SYNPO2: variants seen among roughly 807,000 people sequenced by gnomAD.
SYNPO2 encodes synaptopodin 2, also known as synaptopodin-2.
Under a neutral mutation model 85.0 loss-of-function variants are expected in SYNPO2, and 56 were observed. The ratio of observed to expected loss-of-function variants is 0.66; its 90% CI spans 0.53 to 0.82. The LOEUF is 0.82. Ranked by LOEUF, SYNPO2 falls within the 40% of genes least tolerant of loss-of-function variation. The pLI, the probability that SYNPO2 is intolerant of heterozygous loss-of-function variation, is 0.00. For missense variants in SYNPO2, 1,575 were observed against 1,534.2 expected (o/e 1.03, Z -0.44); for synonymous variants, 602 against 591.1 (o/e 1.02, Z -0.27).
At chr4:118,867,467 C>CTT (rs145121607) in intron 1 of SYNPO2, among the ~76,000 whole-genome samples, 4 of 138,466 alleles carry the variant, frequency 2.9e-5, no homozygotes, top group African/African-American at 5.3e-5. Context: ...TAGTTTCTTT[C>CTT]TTTTTTTTTT....
chr4:118,916,729 C>CTTTTTTTTT (rs199715189), intron 1 of SYNPO2, among the ~76,000 whole-genome samples: 4 of 117,036 alleles, frequency 3.4e-5, no homozygotes, highest in Admixed American at 1.0e-4. Context: ...ATTTTTCTTT[C>CTTTTTTTTT]TTTTTTTTTT....
At chr4:118,941,871 T>G (rs1435561836) in intron 1 of SYNPO2, among the ~76,000 whole-genome samples, 1 of 152,192 alleles carries the variant, frequency 6.6e-6, no homozygotes, top group Non-Finnish European at 1.5e-5. Context: ...CTTTACTGTG[T>G]TTTCCGTAGG....
chr4:118,994,156 C>G (rs926071981), intron 1 of SYNPO2, among the ~76,000 whole-genome samples: 1 of 152,262 alleles, frequency 6.6e-6, no homozygotes, highest in Admixed American at 6.5e-5. Context: ...CCTAAGACCA[C>G]TGTGCTCCGC....
intron 1 of SYNPO2, among the ~76,000 whole-genome samples, chr4:118,916,184 T>C (rs997510510): frequency 5.3e-5 from 8 of 151,800 alleles, no homozygotes; most frequent in African/African-American, 1.9e-4. Flanking sequence ...GGTTTTTTTT[T>C]TTTTCTGAGA....
chr4:118,942,250 T>C (rs1391513023), intron 1 of SYNPO2, among the ~76,000 whole-genome samples: 1 of 152,202 alleles, frequency 6.6e-6, no homozygotes, highest in Non-Finnish European at 1.5e-5. Context: ...TACCACCTAT[T>C]GTGGGAAGGT....
At chr4:119,011,599 T>C (rs1737304564) in intron 1 of SYNPO2, among the ~76,000 whole-genome samples, 1 of 152,148 alleles carries the variant, frequency 6.6e-6, no homozygotes, top group Admixed American at 6.5e-5. Flanking sequence ...TAAAAGAGAC[T>C]ATGAAAAAAG....
At chr4:118,881,315 A>AG (rs1553935035) in intron 1 of SYNPO2, among the ~76,000 whole-genome samples, 1 of 135,196 alleles carries the variant, frequency 7.4e-6, no homozygotes, top group Non-Finnish European at 1.6e-5. Flanking sequence ...AAAAAAAAAA[A>AG]AGAAGAAGAA....
intron 1 of SYNPO2, among the ~76,000 whole-genome samples, chr4:118,962,388 T>G (rs530661286): frequency 1.3e-5 from 2 of 152,168 alleles, no homozygotes; most frequent in Non-Finnish European, 2.9e-5. Context: ...GCTAAAAATG[T>G]TCCTGCAAAG....
At chr4:118,943,123 C>T (rs1734374457) in intron 1 of SYNPO2, among the ~76,000 whole-genome samples, 1 of 150,230 alleles carries the variant, frequency 6.7e-6, no homozygotes, top group Non-Finnish European at 1.5e-5. Flanking sequence ...AAAAAAAAGT[C>T]AATAGTGTTG....
chr4:118,985,285 G>A (rs150679436), intron 1 of SYNPO2, among the ~76,000 whole-genome samples: 1 of 152,278 alleles, frequency 6.6e-6, no homozygotes, highest in Non-Finnish European at 1.5e-5. Context: ...CTTCAGCCCT[G>A]CTCCTCAGCT....
intron 1 of SYNPO2, among the ~76,000 whole-genome samples, chr4:118,975,921 CAA>C (rs1406368311): frequency 1.3e-5 from 2 of 152,236 alleles, no homozygotes; most frequent in East Asian, 1.9e-4. Flanking sequence ...TTACTTTCCT[CAA>C]AGTCAGGAGA....
chr4:119,034,295 G>C, intron 4 of SYNPO2: 1 of 984,938 alleles, frequency 1.0e-6, no homozygotes, highest in South Asian at 4.7e-5. Flanking sequence ...GAACACACAG[G>C]TAGTCGGTTT....
At chr4:118,994,608 T>C (rs1463987644) in intron 1 of SYNPO2, among the ~76,000 whole-genome samples, 2 of 152,214 alleles carry the variant, frequency 1.3e-5, no homozygotes, top group African/African-American at 2.4e-5. Flanking sequence ...TAAAAACTCT[T>C]AAAAGGCTTT....
intron 1 of SYNPO2, among the ~76,000 whole-genome samples, chr4:118,877,992 T>C (rs1023649982): frequency 6.6e-6 from 1 of 152,104 alleles, no homozygotes; most frequent in African/African-American, 2.4e-5. Flanking sequence ...GTTTAAAAAA[T>C]ATGGTACATA....
intron 1 of SYNPO2, among the ~76,000 whole-genome samples, chr4:118,947,041 C>T (rs1393666462): frequency 6.6e-6 from 1 of 152,216 alleles, no homozygotes; most frequent in African/African-American, 2.4e-5. Flanking sequence ...GAACCAAATC[C>T]TCTTCCTAAT....
chr4:118,877,967 G>A (rs1219289221), intron 1 of SYNPO2, among the ~76,000 whole-genome samples: 3 of 152,034 alleles, frequency 2.0e-5, no homozygotes, highest in Admixed American at 1.3e-4. Context: ...CTAAATGCCC[G>A]TCAACATTAG....
chr4:118,941,981 C>G (rs1052375496), intron 1 of SYNPO2, among the ~76,000 whole-genome samples: 4 of 152,112 alleles, frequency 2.6e-5, no homozygotes, highest in Non-Finnish European at 4.4e-5. Flanking sequence ...GGCTGGGTTT[C>G]TAGTCCTGTG....
intron 1 of SYNPO2, among the ~76,000 whole-genome samples, chr4:118,865,267 TCTC>T (rs1251028862): frequency 9.2e-5 from 14 of 152,230 alleles, no homozygotes; most frequent in Non-Finnish European, 1.6e-4. Flanking sequence ...TAGGAGCAAG[TCTC>T]CTCTCTCTGT....
Position 119,031,039 on chromosome 4 carries a change from C to T in SYNPO2, c.2264C>T (p.Thr755Ile), listed in dbSNP as rs1199863307. 3.7e-6 allele frequency: 6 copies of T among 1,613,946 alleles called. No homozygotes were observed. The highest frequency in any genetic ancestry group is 5.1e-6 in the Non-Finnish European group (6 of 1,180,020). ...FMQSSSAKQK[T>I]PPPVAPKPAV... ...CAAAGCTCCTCTGCCAAACAAAAGA[C>T]CCCTCCTCCTGTTGCTCCAAAACCT... is the stretch of plus-strand genomic sequence containing the variant. Residue 755 changes from threonine to isoleucine, a missense_variant, in exon 4 of 5, where the codon ACC becomes ATC. Physicochemically the swap from Thr to Ile is moderately conservative, Grantham distance 89. This residue lies in a region of SYNPO2 where 1,508 missense variants were observed against 1,446.8 expected (regional missense o/e 1.04). Transcript: ENST00000307142.
Sources: allele counts gnomAD v4.1 joint callset (sites outside exome capture counted in the v4.1 genomes callset), GRCh38; gene constraint gnomAD v4.1.1; regional missense constraint gnomAD v4.1.1; transcripts MANE v1.5; gene names NCBI Gene and HGNC (gene_info 2026-07-23, HGNC 2026-07-21).